The following FAT3 variants were observed in gnomAD, a reference collection of about 807,000 sequenced individuals.
The protein encoded by FAT3 is protocadherin Fat 3.
Under a neutral mutation model 310.2 loss-of-function variants are expected in FAT3, and 95 were observed. The observed-to-expected ratio is 0.31, with a 90% CI of 0.26 to 0.36. FAT3 has a LOEUF of 0.36. FAT3 is among the 10% of genes least tolerant of loss of function. The probability of loss-of-function intolerance (pLI) is 1.00; values close to 1 mark genes in which losing one functional copy is unlikely to be tolerated. For synonymous variants in FAT3, 2,314 were observed against 2,192.9 expected (o/e 1.06, Z -1.54); for missense variants, 5,408 against 5,715.6 (o/e 0.95, Z 1.74).
chr11:92,345,906 C>A (rs948823976), intron 1 of FAT3, among the ~76,000 whole-genome samples: 3 of 152,106 alleles, frequency 2.0e-5, no homozygotes, highest in Non-Finnish European at 4.4e-5. Flanking sequence ...ATCCCTTTGG[C>A]TATAAAACTC....
intron 1 of FAT3, among the ~76,000 whole-genome samples, chr11:92,234,325 A>C (rs1254475416): frequency 6.6e-6 from 1 of 152,232 alleles, no homozygotes. Flanking sequence ...AATATATAAT[A>C]AAATGAAAGA....
At position 92,895,031 on chromosome 11, in the gene FAT3, A is replaced by G. The variant is rs568414133; in HGVS notation, c.*3918A>G. ...TCAAAATAAATTATTAAAATCCAGA[A>G]AACAGTTTTATGTGAAGTAATTCAG... On this transcript the variant is annotated 3_prime_UTR_variant, in exon 28 of 28. Coordinates refer to ENST00000525166, the MANE Select transcript of FAT3 (RefSeq NM_001367949.2). 58 of 152,324 alleles carry G rather than the reference A, an allele frequency of 3.8e-4. No individual in the cohort carries two copies. Among genetic ancestry groups the G allele is most frequent in the African/African-American group, 1.3e-3 (53 of 41,576 alleles). 9.4% of individuals were successfully genotyped at this position (152,324 alleles called of 1,614,324 possible).
chr11:92,363,941 G>A (rs1268275538), intron 2 of FAT3, among the ~76,000 whole-genome samples: 1 of 152,098 alleles, frequency 6.6e-6, no homozygotes, highest in African/African-American at 2.4e-5. Flanking sequence ...TAAACAGCAT[G>A]TTTTTATTAC....
At position 92,799,475 on chromosome 11, in the gene FAT3, T is replaced by C. The variant is rs186197440; in HGVS notation, c.6462T>C (p.Tyr2154=). ...AFNSDLSNIE[Y]GVTILAKDGG... ...ACTCTGACTTGTCCAACATTGAGTA[T>C]GGAGTCACCATCCTAGCCAAGGATG... Residue 2154 remains tyrosine, a synonymous_variant, in exon 10 of 28, where the codon TAT becomes TAC. Transcript: ENST00000525166. 345 of 1,613,736 alleles carry C rather than the reference T, an allele frequency of 2.1e-4. 1 individual carries two copies. In the East Asian group the frequency reaches 5.6e-3, roughly 26 times the overall value.
intron 4 of FAT3, among the ~76,000 whole-genome samples, chr11:92,754,741 A>C (rs11020045): frequency 0.31 from 45,723 of 147,038 alleles, 7,403 homozygotes; most frequent in Non-Finnish European, 0.33. Context: ...GGTGGTGTGC[A>C]CTTGTAATCC....
chr11:92,858,021 A>T (rs1323255504), intron 20 of FAT3, among the ~76,000 whole-genome samples: 1 of 152,238 alleles, frequency 6.6e-6, no homozygotes, highest in African/African-American at 2.4e-5. Context: ...TTTGGGTACC[A>T]ATAGAATCCT....
chr11:92,884,907 A>G (rs1417038366), intron 24 of FAT3, among the ~76,000 whole-genome samples: 1 of 152,110 alleles, frequency 6.6e-6, no homozygotes, highest in Non-Finnish European at 1.5e-5. Context: ...CTCCAAAAGA[A>G]CCCTGGAGAT....
intron 2 of FAT3, among the ~76,000 whole-genome samples, chr11:92,381,021 C>T (rs142058658): frequency 8.6e-4 from 131 of 152,316 alleles, no homozygotes; most frequent in African/African-American, 3.0e-3. Context: ...ACTATCACTC[C>T]TCATTCTGCC....
At chr11:92,260,773 T>C (rs774407262) in intron 1 of FAT3, among the ~76,000 whole-genome samples, 29 of 152,268 alleles carry the variant, frequency 1.9e-4, no homozygotes, top group Middle Eastern at 3.4e-3. Flanking sequence ...GGGGTATGTA[T>C]AGTAGCCGGC....
intron 3 of FAT3, among the ~76,000 whole-genome samples, chr11:92,589,317 A>G (rs1367454341): frequency 6.6e-6 from 1 of 152,090 alleles, no homozygotes; most frequent in Non-Finnish European, 1.5e-5. Context: ...TCCCATTATC[A>G]TGAAAGAAGA....
At chr11:92,504,177 AAC>A (rs1468002146) in intron 2 of FAT3, among the ~76,000 whole-genome samples, 4 of 152,154 alleles carry the variant, frequency 2.6e-5, no homozygotes, top group African/African-American at 7.2e-5. Flanking sequence ...TGCCATGGAA[AAC>A]ACAATGTGAG....
intron 2 of FAT3, among the ~76,000 whole-genome samples, chr11:92,457,677 T>G (rs1178277084): frequency 1.3e-5 from 2 of 150,894 alleles, no homozygotes; most frequent in Non-Finnish European, 2.9e-5. Context: ...ATCCTAGCAC[T>G]TTGGGAGGCT....
chr11:92,875,816 G>T (rs901063831), intron 22 of FAT3, among the ~76,000 whole-genome samples: 5 of 152,144 alleles, frequency 3.3e-5, no homozygotes, highest in Non-Finnish European at 7.4e-5. Context: ...AGTAGTGCTA[G>T]ATACTCCACA....
Position 92,800,325 on chromosome 11 carries a change from G to T in FAT3, c.7312G>T (p.Asp2438Tyr). Residue 2438 changes from aspartate (D) to tyrosine (Y), a missense_variant, in exon 10 of 28, where the codon GAC becomes TAC. This residue lies in a region of FAT3 where 4,588 missense variants were observed against 4,809.8 expected (regional missense o/e 0.95). Coordinates refer to ENST00000525166, the MANE Select transcript of FAT3 (RefSeq NM_001367949.2). ...GGAATATAGCATTTTATCTGGGAAT[G>T]ACCGGACGAGCTTTCTGATGGACAG... ...RLEYSILSGNDRTSFLMDSKS... is the reference protein window; with the variant it reads ...RLEYSILSGNYRTSFLMDSKS... 1 of 1,613,942 alleles carries T rather than the reference G, an allele frequency of 6.2e-7. No homozygotes were observed. Among genetic ancestry groups the T allele is most frequent in the South Asian group, 1.1e-5 (1 of 91,056 alleles).
intron 2 of FAT3, among the ~76,000 whole-genome samples, chr11:92,492,241 T>TTCCA (rs58384100): frequency 0.061 from 9,123 of 148,790 alleles, 318 homozygotes; most frequent in Non-Finnish European, 0.075. Flanking sequence ...ATATATATAT[T>TTCCA]TCCATCCATC....
chr11:92,295,414 T>C (rs1047813103), intron 1 of FAT3, among the ~76,000 whole-genome samples: 5 of 152,136 alleles, frequency 3.3e-5, no homozygotes, highest in African/African-American at 1.2e-4. Flanking sequence ...GAAAAGGAAG[T>C]AGTGACTTGC....
At chr11:92,836,769 A>G (rs1240698069) in intron 16 of FAT3, 66 bp downstream of exon 16, 2 of 1,566,906 alleles carry the variant, frequency 1.3e-6, no homozygotes, top group Non-Finnish European at 1.7e-6. Context: ...CAGGGGCACA[A>G]GCTCCACGGG....
chr11:92,769,895 C>T lies in FAT3; in HGVS notation c.4196-4146C>T, dbSNP rs188217271. Among the ~76,000 whole-genome samples the T allele has an allele frequency of 2.6e-4, 40 of 152,252 alleles. No homozygotes were observed. In the East Asian group the frequency reaches 7.3e-3, roughly 28 times the overall value. On this transcript the variant is annotated intron_variant, in intron 6 of 27. Coordinates refer to ENST00000525166, the MANE Select transcript of FAT3 (RefSeq NM_001367949.2). ...TGAACCTTGTCCCCAGTGGAGCCAT[C>T]GCTTATTTAGAGATGAATGAAGTAG... is the stretch of plus-strand genomic sequence containing the variant.
chr11:92,289,361 T>C (rs960835171), intron 1 of FAT3, among the ~76,000 whole-genome samples: 1 of 152,042 alleles, frequency 6.6e-6, no homozygotes, highest in Non-Finnish European at 1.5e-5. Flanking sequence ...ATAGGATCTT[T>C]AAAGGGCATC....
Sources: gnomAD v4.1 joint callset for allele counts (sites outside exome capture counted in the v4.1 genomes callset) on GRCh38, gnomAD v4.1.1 for gene constraint, gnomAD v4.1.1 regional missense constraint, MANE v1.5 for transcripts, NCBI Gene and HGNC (gene_info 2026-07-23, HGNC 2026-07-21) for gene names.